Variants in NTRK3 observed in about 807,000 individuals in gnomAD.
The protein encoded by NTRK3 is NT-3 growth factor receptor.
In NTRK3, 24 loss-of-function variants were observed where a neutral mutation model predicts 91.7. That is an observed-to-expected ratio of 0.26 (90% CI 0.19 to 0.37). The LOEUF is 0.37. Ranked by LOEUF, NTRK3 falls within the 10% of genes least tolerant of loss-of-function variation. The probability of loss-of-function intolerance (pLI) is 1.00; values close to 1 mark genes in which losing one functional copy is unlikely to be tolerated. For missense variants in NTRK3, 880 were observed against 1,068.9 expected, an observed-to-expected ratio of 0.82 and a Z score of 2.46; for synonymous variants, 483 against 404.0, an observed-to-expected ratio of 1.20 and a Z score of -2.34.
At chr15:87,897,270 T>C (rs554254837) in intron 17 of NTRK3, among the ~76,000 whole-genome samples, 1 of 152,310 alleles carries the variant, frequency 6.6e-6, no homozygotes, top group Admixed American at 6.5e-5. Flanking sequence ...CACATGCCTT[T>C]TATAACTTAT....
exon 19 of NTRK3, chr15:87,873,657 G>A (rs1028278590): frequency 4.3e-6 from 1 of 232,090 alleles, no homozygotes; most frequent in Non-Finnish European, 8.5e-6. Flanking sequence ...GGCCATATTG[G>A]CTAATAGGAT....
intron 13 of NTRK3, among the ~76,000 whole-genome samples, chr15:88,101,343 T>C (rs568551069): frequency 3.9e-5 from 6 of 152,194 alleles, no homozygotes; most frequent in East Asian, 3.9e-4. Context: ...GTTAGAATGG[T>C]GATCATTAAA....
rs78179213 is a variant in NTRK3 at position 88,127,499 on chromosome 15, C to G, written c.1229-273G>C. Among the ~76,000 whole-genome samples the G allele has an allele frequency of 0.033, 5,062 of 152,248 alleles. 121 individuals are homozygous for G. Among genetic ancestry groups the G allele is most frequent in the Non-Finnish European group, 0.053 (3,578 of 68,004 alleles). ...TCAGTCCCATTCCCTGCCCCAACCC[C>G]AGAGAAAATAACATAACCTGGGCAA... On this transcript the variant is annotated intron_variant, in intron 11 of 18. Coordinates refer to ENST00000394480, the Ensembl canonical transcript of NTRK3.
At chr15:88,035,289 G>A (rs770389170) in intron 13 of NTRK3, among the ~76,000 whole-genome samples, 22 of 152,184 alleles carry the variant, frequency 1.4e-4, no homozygotes, top group African/African-American at 1.7e-4. Flanking sequence ...AAGGTGCCCC[G>A]CCCCCACTAT....
At chr15:88,189,001 T>C (rs1425834057) in intron 3 of NTRK3, among the ~76,000 whole-genome samples, 1 of 152,224 alleles carries the variant, frequency 6.6e-6, no homozygotes, top group Non-Finnish European at 1.5e-5. Flanking sequence ...GCCACTACTC[T>C]GCCAAGAGCT....
intron 14 of NTRK3, chr15:87,977,398 A>G: frequency 4.9e-6 from 1 of 202,054 alleles, no homozygotes; most frequent in Non-Finnish European, 1.0e-5. Flanking sequence ...TTAAGAAACT[A>G]TACACTGAAC....
chr15:88,046,553 CA>C (rs2142216551), intron 13 of NTRK3, among the ~76,000 whole-genome samples: 1 of 152,306 alleles, frequency 6.6e-6, no homozygotes, highest in Non-Finnish European at 1.5e-5. Context: ...AAGGACACCT[CA>C]CCCAGCAAAC....
chr15:87,915,151 C>T (rs1226164391), intron 17 of NTRK3, among the ~76,000 whole-genome samples: 1 of 152,098 alleles, frequency 6.6e-6, no homozygotes, highest in African/African-American at 2.4e-5. Context: ...CTCAAACCAA[C>T]AGTTTACAAA....
chr15:87,977,972 T>G (rs1252922848), intron 14 of NTRK3: 1 of 232,736 alleles, frequency 4.3e-6, no homozygotes, highest in Non-Finnish European at 8.5e-6. Context: ...ACAACCACCT[T>G]TTTCCCCCAC....
chr15:87,990,411 C>A (rs2075194980), intron 14 of NTRK3, among the ~76,000 whole-genome samples: 1 of 152,162 alleles, frequency 6.6e-6, no homozygotes, highest in Admixed American at 6.5e-5. Flanking sequence ...TGGAACCCAG[C>A]GTAACAATGA....
intron 13 of NTRK3, among the ~76,000 whole-genome samples, chr15:88,051,184 G>C (rs2080790966): frequency 1.3e-5 from 2 of 152,072 alleles, no homozygotes; most frequent in South Asian, 4.2e-4. Flanking sequence ...CTGTGCTCCA[G>C]CCCAAGACAT....
intron 14 of NTRK3, among the ~76,000 whole-genome samples, chr15:88,003,773 A>G (rs1217803629): frequency 1.3e-5 from 2 of 152,212 alleles, no homozygotes; most frequent in Non-Finnish European, 2.9e-5. Context: ...AAAATCTTCA[A>G]AAGAGTAAAT....
At chr15:88,229,895 C>T (rs1392355255) in intron 3 of NTRK3, among the ~76,000 whole-genome samples, 1 of 152,378 alleles carries the variant, frequency 6.6e-6, no homozygotes, top group South Asian at 2.1e-4. Flanking sequence ...TTTGTTCCGG[C>T]TTGGAAAATC....
At chr15:87,919,837 A>G (rs1391360486) in intron 17 of NTRK3, among the ~76,000 whole-genome samples, 1 of 152,208 alleles carries the variant, frequency 6.6e-6, no homozygotes, top group African/African-American at 2.4e-5. Context: ...CAGGAAGGAA[A>G]AAACGGGGCT....
At chr15:88,223,958 A>G (rs1177811715) in intron 3 of NTRK3, among the ~76,000 whole-genome samples, 1 of 152,206 alleles carries the variant, frequency 6.6e-6, no homozygotes, top group African/African-American at 2.4e-5. Context: ...TCTGTTGACC[A>G]GAGGGAGTTG....
chr15:88,010,992 T>A (rs2076840095), intron 14 of NTRK3, among the ~76,000 whole-genome samples: 1 of 152,146 alleles, frequency 6.6e-6, no homozygotes, highest in African/African-American at 2.4e-5. Flanking sequence ...ACACTACCCA[T>A]GAAGGGATAA....
intron 13 of NTRK3, among the ~76,000 whole-genome samples, chr15:88,074,321 G>A (rs1597146045): frequency 6.6e-6 from 1 of 152,382 alleles, no homozygotes; most frequent in East Asian, 1.9e-4. Flanking sequence ...GCATGGCACT[G>A]CCCAAAATGG....
In NTRK3 at chr15:88,234,290, C is replaced by G. The variant is rs2141783365; in HGVS notation, c.248+21616G>C. 6.6e-6 allele frequency among the ~76,000 whole-genome samples: 1 copy of G among 152,328 alleles called. No homozygotes were observed. The highest frequency in any genetic ancestry group is 1.5e-5 in the Non-Finnish European group (1 of 68,024). On this transcript the variant is annotated intron_variant, in intron 3 of 18. Transcript: ENST00000394480. This position sits in a 1 kb window ranked among gnomAD's most constrained non-coding sequence, Gnocchi z 6.1. Reference sequence around the variant, plus strand: ...ACTGCACTCTCTTCCTTCATTCATTCATTCTCCTTCATTGATTGATGCATG... The same window carrying G: ...ACTGCACTCTCTTCCTTCATTCATTGATTCTCCTTCATTGATTGATGCATG...
chr15:88,037,163 C>T (rs572875611), intron 13 of NTRK3, among the ~76,000 whole-genome samples: 30 of 152,248 alleles, frequency 2.0e-4, no homozygotes, highest in African/African-American at 6.5e-4. Flanking sequence ...GACATCAGAG[C>T]CCTGGGGACC....
Sources: allele counts gnomAD v4.1 joint callset (sites outside exome capture counted in the v4.1 genomes callset), GRCh38; gene constraint gnomAD v4.1.1; non-coding constraint Gnocchi (gnomAD v3.1); transcripts MANE v1.5; gene names NCBI Gene and HGNC (gene_info 2026-07-23, HGNC 2026-07-21).